Variants in PTGES3 observed in about 807,000 individuals in gnomAD.
The protein encoded by PTGES3 is Hsp90 co-chaperone.
A neutral mutation model predicts 29.9 loss-of-function variants in PTGES3; 5 were observed. The ratio of observed to expected loss-of-function variants is 0.17; its 90% CI spans 0.09 to 0.35. The LOEUF (loss-of-function observed/expected upper bound fraction) is 0.35. Ranked by LOEUF, PTGES3 falls within the 10% of genes least tolerant of loss-of-function variation. The pLI is 1.00. For synonymous variants in PTGES3, 49 were observed against 57.8 expected, an observed-to-expected ratio of 0.85 and a Z score of 0.69; for missense variants, 128 against 190.0, an observed-to-expected ratio of 0.67 and a Z score of 1.92.
intron 1 of PTGES3, among the ~76,000 whole-genome samples, chr12:56,681,233 T>G (rs1415653592): frequency 6.6e-6 from 1 of 151,974 alleles, no homozygotes; most frequent in Non-Finnish European, 1.5e-5. Context: ...ATTAGTGCTG[T>G]GTAAATGGGT....
Position 56,688,227 on chromosome 12 carries a change from G to A in PTGES3, c.-228C>T, listed in dbSNP as rs933236573. On this transcript the variant is annotated 5_prime_UTR_variant, in exon 1 of 8. Transcript: ENST00000262033. Reference sequence around the variant, plus strand: ...GGTCGGGGAGAAGAGGAAAGTGTAGGAAAAGGGGCGCGAGGACGGAGAATG... The same window carrying A: ...GGTCGGGGAGAAGAGGAAAGTGTAGAAAAAGGGGCGCGAGGACGGAGAATG... 4 of 712,966 alleles carry A rather than the reference G, an allele frequency of 5.6e-6. No individual in the cohort carries two copies. The highest frequency in any genetic ancestry group is 8.3e-6 in the Non-Finnish European group (4 of 482,552). The allele number at this position is 712,966 out of a possible 1,614,324, so 44.2% of individuals were successfully genotyped here.
intron 1 of PTGES3, chr12:56,686,774 T>G (rs1952883832): frequency 1.0e-5 from 4 of 397,874 alleles, no homozygotes; most frequent in Non-Finnish European, 1.3e-5. Context: ...TTGTTCCCAG[T>G]GATAAACTCG....
chr12:56,677,272 ATT>A (rs1952300771), intron 1 of PTGES3, among the ~76,000 whole-genome samples: 1 of 151,446 alleles, frequency 6.6e-6, no homozygotes. Flanking sequence ...AAAGTGCTAC[ATT>A]TTCCATAAAA....
rs1373403324 is a variant in PTGES3 at position 56,664,017 on chromosome 12, A to G, written c.*462T>C. 4 of 153,928 alleles carry G rather than the reference A, an allele frequency of 2.6e-5. No homozygotes were observed. The highest frequency in any genetic ancestry group is 6.6e-5 in the Admixed American group (1 of 15,058). 9.5% of individuals were successfully genotyped at this position (153,928 alleles called of 1,614,324 possible). A position where few individuals can be genotyped will look rare whatever the true frequency, so the allele number is the denominator to read the frequency against. The stretch of plus-strand genomic sequence containing the variant: ...AATTTTAGTGGAACAATCCTGAAGG[A>G]TAACACCAGAAGAATAGCAGGTTAC... On this transcript the variant is annotated 3_prime_UTR_variant, in exon 8 of 8. Transcript: ENST00000262033.
intron 1 of PTGES3, among the ~76,000 whole-genome samples, chr12:56,676,587 A>T (rs576522100): frequency 2.0e-5 from 3 of 152,104 alleles, no homozygotes; most frequent in South Asian, 2.1e-4. Context: ...TAATTTTTTT[A>T]AAAAAAGAGT....
At position 56,673,070 on chromosome 12, in the gene PTGES3, A is replaced by G; in HGVS notation, c.3-5T>C. ...CACTTTGCAGAAGCAGGCTGCCTAC[A>G]AAAGGATAAAGTAGGGAAAGTCAAG... On this transcript the variant is annotated splice_polypyrimidine_tract_variant and splice_region_variant and intron_variant, in intron 1 of 7. Transcript: ENST00000262033. 6.3e-7 allele frequency: 1 copy of G among 1,585,272 alleles called. No homozygotes were observed. The highest frequency in any genetic ancestry group is 8.6e-7 in the Non-Finnish European group (1 of 1,166,976).
intron 1 of PTGES3, chr12:56,687,696 T>A: frequency 2.3e-6 from 3 of 1,313,754 alleles, no homozygotes; most frequent in Non-Finnish European, 2.9e-6. Context: ...TACCGGGAGC[T>A]TAAGGCCTAG....
chr12:56,671,692 C>A, intron 4 of PTGES3, 57 bp downstream of exon 4: 1 of 1,146,288 alleles, frequency 8.7e-7, no homozygotes, highest in Non-Finnish European at 1.2e-6. Flanking sequence ...ATAAGTACAT[C>A]TTTTATTACC....
At chr12:56,682,246 A>G (rs1035220246) in intron 1 of PTGES3, among the ~76,000 whole-genome samples, 3 of 152,174 alleles carry the variant, frequency 2.0e-5, no homozygotes, top group Non-Finnish European at 4.4e-5. Flanking sequence ...AGAATACAAA[A>G]TGGGAAAAGA....
intron 1 of PTGES3, among the ~76,000 whole-genome samples, chr12:56,680,134 C>T (rs1160903856): frequency 6.7e-5 from 10 of 149,192 alleles, no homozygotes; most frequent in Non-Finnish European, 1.5e-4. Context: ...TGCAATGGCG[C>T]GATCACAGCT....
rs937695904 is a variant in PTGES3 at position 56,671,973 on chromosome 12, T to A, written c.187-126A>T. 5.8e-6 allele frequency: 3 copies of A among 514,928 alleles called. No individual in the cohort carries two copies. In the African/African-American group the frequency reaches 6.0e-5, roughly 10 times the overall value. The allele number at this position is 514,928 out of a possible 1,614,324, so 31.9% of individuals were successfully genotyped here. On this transcript the variant is annotated intron_variant, in intron 3 of 7. Transcript: ENST00000262033. ...TTTCTCTGGACTCTGAAACATGCCC[T>A]TGACTACTAAAAACTTCAAACTATC...
In PTGES3 at chr12:56,669,445, G is replaced by A. The variant is rs982658896; in HGVS notation, c.375+830C>T. 5.9e-5 allele frequency among the ~76,000 whole-genome samples: 9 copies of A among 152,242 alleles called. No individual in the cohort carries two copies. In the East Asian group the frequency reaches 9.7e-4, roughly 16 times the overall value. On this transcript the variant is annotated intron_variant, in intron 5 of 7. Transcript: ENST00000262033. ...ATTACAGGCGCCCGCCACTGCACCCGGCTAATTTTTGTATTTTAGTAGAGA... is the reference window on the plus strand; with the variant it reads ...ATTACAGGCGCCCGCCACTGCACCCAGCTAATTTTTGTATTTTAGTAGAGA...
rs754040277 is a variant in PTGES3 at position 56,682,721 on chromosome 12, GAA to G, written c.2+5275_2+5276del. 3.3e-4 allele frequency among the ~76,000 whole-genome samples: 38 copies of G among 114,288 alleles called. 1 individual carries two copies. Among genetic ancestry groups the G allele is most frequent in the Non-Finnish European group, 4.5e-4 (26 of 58,416 alleles). 75.0% of individuals were successfully genotyped at this position (114,288 alleles called of 152,430 possible). ...GGTAAGATCCCGTCTCCATTTAAAAGAAAAAAAAAAAAAAAGGCCGGGCGTGG... is the reference window on the plus strand; with the variant it reads ...GGTAAGATCCCGTCTCCATTTAAAAGAAAAAAAAAAAAAGGCCGGGCGTGG... On this transcript the variant is annotated intron_variant, in intron 1 of 7. Coordinates refer to ENST00000262033, the MANE Select transcript of PTGES3 (RefSeq NM_006601.7).
intron 4 of PTGES3, 51 bp from the exon 5 acceptor site, chr12:56,670,415 C>T (rs1340944901): frequency 7.4e-7 from 1 of 1,344,164 alleles, no homozygotes; most frequent in African/African-American, 1.4e-5. Flanking sequence ...TTGCATTTGG[C>T]ATGAACCTTA....
chr12:56,674,168 G>A (rs966249046), intron 1 of PTGES3, among the ~76,000 whole-genome samples: 1 of 152,114 alleles, frequency 6.6e-6, no homozygotes, highest in Non-Finnish European at 1.5e-5. Flanking sequence ...GTCTTTAAAT[G>A]ACAAGTAAAT....
At chr12:56,682,722 A>AG (rs1952606568) in intron 1 of PTGES3, among the ~76,000 whole-genome samples, 1 of 18,892 alleles carries the variant, frequency 5.3e-5, no homozygotes, top group Middle Eastern at 0.019. Flanking sequence ...CATTTAAAAG[A>AG]AAAAAAAAAA....
At chr12:56,671,898 G>C in intron 3 of PTGES3, 51 bp from the exon 4 acceptor site, 1 of 1,116,192 alleles carries the variant, frequency 9.0e-7, no homozygotes, top group Non-Finnish European at 1.2e-6. Flanking sequence ...ATCACTACAT[G>C]ATAGAAAATA....
intron 1 of PTGES3, among the ~76,000 whole-genome samples, chr12:56,678,574 T>C (rs1336084896): frequency 1.3e-5 from 2 of 152,332 alleles, no homozygotes; most frequent in East Asian, 3.9e-4. Flanking sequence ...TGTTTCCATC[T>C]AGCTTCTTTG....
chr12:56,670,450 A>C, intron 4 of PTGES3, 86 bp from the exon 5 acceptor site: 1 of 970,778 alleles, frequency 1.0e-6, no homozygotes, highest in Non-Finnish European at 1.6e-6. Flanking sequence ...TTTCTTCTAA[A>C]GAGACCAGGT....
Sources: gnomAD v4.1 joint callset for allele counts (sites outside exome capture counted in the v4.1 genomes callset) on GRCh38, gnomAD v4.1.1 for gene constraint, MANE v1.5 for transcripts, NCBI Gene and HGNC (gene_info 2026-07-23, HGNC 2026-07-21) for gene names.